Variants in CAPN2 observed in about 807,000 individuals in gnomAD.
The protein encoded by CAPN2 is calpain-2 catalytic subunit.
CAPN2 carries 92 observed loss-of-function variants against 102.3 expected under a neutral mutation model. The observed-to-expected ratio is 0.90, with a 90% CI of 0.76 to 1.07. The LOEUF (loss-of-function observed/expected upper bound fraction) is 1.07. CAPN2 is among the 50% of genes least tolerant of loss of function. The probability of loss-of-function intolerance (pLI) is 0.00; values close to 1 mark genes in which losing one functional copy is unlikely to be tolerated. For synonymous variants in CAPN2, 340 were observed against 355.4 expected, an observed-to-expected ratio of 0.96 and a Z score of 0.49; for missense variants, 800 against 909.4, an observed-to-expected ratio of 0.88 and a Z score of 1.55.
intron 2 of CAPN2, among the ~76,000 whole-genome samples, chr1:223,721,504 G>C (rs1304615128): frequency 1.3e-5 from 2 of 152,196 alleles, no homozygotes; most frequent in East Asian, 3.8e-4. Flanking sequence ...ATTTCCTGGG[G>C]TAGAGCCCAA....
upstream of CAPN2, among the ~76,000 whole-genome samples, chr1:223,711,869 T>C (rs1194721849): frequency 6.6e-6 from 1 of 152,226 alleles, no homozygotes; most frequent in African/African-American, 2.4e-5. Flanking sequence ...AGTGTTGGGA[T>C]TACAGGTGTG....
At chr1:223,747,498 G>A (rs1309808336) in intron 5 of CAPN2, among the ~76,000 whole-genome samples, 1 of 152,178 alleles carries the variant, frequency 6.6e-6, no homozygotes, top group African/African-American at 2.4e-5. Flanking sequence ...TTTTAGGGAT[G>A]TCGTAAATGA....
intron 9 of CAPN2, 52 bp downstream of exon 9, chr1:223,753,008 A>G: frequency 6.4e-7 from 1 of 1,574,340 alleles, no homozygotes. Context: ...ACCAAAGGCC[A>G]AAGCTCCCCT....
chr1:223,749,884 A>G lies in CAPN2; in HGVS notation c.813+762A>G, dbSNP rs529244256. Among the ~76,000 whole-genome samples, 3 of 152,170 alleles carry G rather than the reference A, an allele frequency of 2.0e-5. No homozygotes were observed. The East Asian group carries it at 5.8e-4, about 29-fold the overall frequency. On this transcript the variant is annotated intron_variant, in intron 6 of 20. Coordinates refer to ENST00000295006, the MANE Select transcript of CAPN2 (RefSeq NM_001748.5). ...AGTTAGCTGGGCATGGTGGCATGCC[A>G]CTGTCGTCCCAGCTACTCGGGAGGC... is the stretch of plus-strand genomic sequence containing the variant.
Position 223,755,782 on chromosome 1 carries a change from A to C in CAPN2, c.1305+133A>C. ...AGCTTGGCCAAGGAAAAACAAAACT[A>C]CCAGCCTGGCCAGGCTCAGGAGTAG... On this transcript the variant is annotated intron_variant, in intron 10 of 20. Transcript: ENST00000295006. This position sits in a 1 kb window ranked among gnomAD's most constrained non-coding sequence, Gnocchi z 4.1. The C allele has an allele frequency of 2.5e-5, 22 of 869,384 alleles. No homozygotes were observed. The highest frequency in any genetic ancestry group is 3.6e-4 in the Middle Eastern group (1 of 2,782). The allele number at this position is 869,384 out of a possible 1,614,324, so 53.9% of individuals were successfully genotyped here.
At position 223,719,803 on chromosome 1, in the gene CAPN2, TGC is replaced by T. The variant is rs1007404332; in HGVS notation, c.307+1974_307+1975del. On this transcript the variant is annotated intron_variant, in intron 2 of 20. Transcript: ENST00000295006. ...TAGTCTGTAATTTCTCAGGGGTGTG[TGC>T]GTGTGTGTGTGTGTGTGTGTGTGTG... Among the ~76,000 whole-genome samples the T allele has an allele frequency of 2.8e-4, 23 of 82,012 alleles. No individual in the cohort carries two copies. In the South Asian group the frequency reaches 1.0e-2, roughly 35 times the overall value. The allele number at this position is 82,012 out of a possible 152,430, so 53.8% of individuals were successfully genotyped here. A position where few individuals can be genotyped will look rare whatever the true frequency, so the allele number is the denominator to read the frequency against.
In CAPN2 at chr1:223,775,749, A is replaced by G. The variant is rs919795574; in HGVS notation, c.*892A>G. On this transcript the variant is annotated 3_prime_UTR_variant, in exon 21 of 21. Transcript: ENST00000295006. ...TTTGTTTCCTGGCTTTACCTTGGGAAAATGCTAGCAACATTATAGAAATTT... is the reference window on the plus strand; with the variant it reads ...TTTGTTTCCTGGCTTTACCTTGGGAGAATGCTAGCAACATTATAGAAATTT... The G allele has an allele frequency of 6.6e-6, 1 of 152,618 alleles. No homozygotes were observed. The highest frequency in any genetic ancestry group is 2.1e-4 in the South Asian group (1 of 4,826). 9.5% of individuals were successfully genotyped at this position (152,618 alleles called of 1,614,324 possible).
In CAPN2 at chr1:223,757,351, A is replaced by G. The variant is rs765268572; in HGVS notation, c.1306-18A>G. 1 of 1,614,160 alleles carries G rather than the reference A, an allele frequency of 6.2e-7. No homozygotes were observed. The highest frequency in any genetic ancestry group is 8.5e-7 in the Non-Finnish European group (1 of 1,180,014). Reference sequence around the variant, plus strand: ...ACTGCTTTTCCGGCATCTGAATTGCATCTCCTTTATTTTGCAGGTTCCAGA... The same window carrying G: ...ACTGCTTTTCCGGCATCTGAATTGCGTCTCCTTTATTTTGCAGGTTCCAGA... On this transcript the variant is annotated intron_variant, in intron 10 of 20. Coordinates refer to ENST00000295006, the MANE Select transcript of CAPN2 (RefSeq NM_001748.5).
rs369150450 is a variant in CAPN2 at position 223,762,208 on chromosome 1, T to C, written c.1589T>C (p.Ile530Thr). Residue 530 changes from isoleucine (I) to threonine (T), a missense_variant, in exon 14 of 21, where the codon ATT becomes ACT. By Grantham distance (89) the Ile-to-Thr change is moderately conservative (BLOSUM62 -1). Coordinates refer to ENST00000295006, the MANE Select transcript of CAPN2 (RefSeq NM_001748.5). Reference sequence around the variant, plus strand: ...CAGTTCGACATCAGCGAGGATGACATTGATGATGGATTCAGGAGACTGTTT... The same window carrying C: ...CAGTTCGACATCAGCGAGGATGACACTGATGATGGATTCAGGAGACTGTTT... ...LEEFDISEDD[I>T]DDGFRRLFAQ... 130 of 1,613,944 alleles carry C rather than the reference T, an allele frequency of 8.1e-5. No homozygotes were observed. The highest frequency in any genetic ancestry group is 1.0e-4 in the Non-Finnish European group (123 of 1,179,910).
chr1:223,742,065 G>A (rs1660632120), intron 2 of CAPN2, among the ~76,000 whole-genome samples: 1 of 152,184 alleles, frequency 6.6e-6, no homozygotes, highest in Non-Finnish European at 1.5e-5. Flanking sequence ...GGAACTCTCA[G>A]GATGCTAAGT....
At chr1:223,742,305 T>C (rs1483858277) in intron 2 of CAPN2, among the ~76,000 whole-genome samples, 1 of 151,678 alleles carries the variant, frequency 6.6e-6, no homozygotes, top group African/African-American at 2.4e-5. Flanking sequence ...GGCAGGAGAA[T>C]CACTTGAACC....
intron 1 of CAPN2, among the ~76,000 whole-genome samples, chr1:223,702,448 GGAAAGGAAAA>G (rs1435232946): frequency 6.6e-6 from 1 of 151,256 alleles, no homozygotes; most frequent in Non-Finnish European, 1.5e-5. Flanking sequence ...AAAAAGAAAA[GGAAAGGAAAA>G]GAAAGAAAAA....
chr1:223,739,864 A>T (rs1409654025), intron 2 of CAPN2, among the ~76,000 whole-genome samples: 1 of 152,208 alleles, frequency 6.6e-6, no homozygotes, highest in African/African-American at 2.4e-5. Context: ...TATTTGTAGC[A>T]TCTGAGTTAA....
intron 2 of CAPN2, among the ~76,000 whole-genome samples, chr1:223,728,544 A>G (rs1043316894): frequency 6.6e-6 from 1 of 152,240 alleles, no homozygotes; most frequent in Admixed American, 6.5e-5. Flanking sequence ...GAGAAGGGAC[A>G]TGGAGCCCAC....
intron 2 of CAPN2, among the ~76,000 whole-genome samples, chr1:223,718,415 C>T (rs1183675755): frequency 6.6e-6 from 1 of 152,200 alleles, no homozygotes; most frequent in Non-Finnish European, 1.5e-5. Flanking sequence ...TTGTCCAAAA[C>T]CTTGCTTTCT....
Position 223,771,851 on chromosome 1 carries a change from G to A in CAPN2, c.1946G>A (p.Arg649Gln), listed in dbSNP as rs779705757. Residue 649 changes from arginine to glutamine, a missense_variant, in exon 19 of 21, where the codon CGG (arginine) becomes CAG (glutamine). Physicochemically the swap from Arg to Gln is conservative, Grantham distance 43 (BLOSUM62 1). Transcript: ENST00000295006. ...PCQLHQVIVARFADDQLIIDF... is the reference protein window; with the variant it reads ...PCQLHQVIVAQFADDQLIIDF... ...CAACTCCACCAAGTCATCGTTGCTC[G>A]GTTTGCAGATGACCAGCTCATCATC... 25 of 1,613,994 alleles carry A rather than the reference G, an allele frequency of 1.5e-5. No homozygotes were observed. Among genetic ancestry groups the A allele is most frequent in the South Asian group, 1.4e-4 (13 of 91,080 alleles).
At position 223,759,578 on chromosome 1, in the gene CAPN2, C is replaced by A; in HGVS notation, c.1529+97C>A. ...GAGGGCTCTTTCATCCTCTGAATGT[C>A]AGTTACTTTTTCTGTAACACCTGCC... On this transcript the variant is annotated intron_variant, in intron 12 of 20. Coordinates refer to ENST00000295006, the MANE Select transcript of CAPN2 (RefSeq NM_001748.5). This position sits in a 1 kb window ranked among gnomAD's most constrained non-coding sequence, Gnocchi z 4.6. The A allele has an allele frequency of 1.0e-6, 1 of 979,056 alleles. No individual in the cohort carries two copies. Among genetic ancestry groups the A allele is most frequent in the Non-Finnish European group, 1.5e-6 (1 of 652,870 alleles). The allele number at this position is 979,056 out of a possible 1,614,324, so 60.6% of individuals were successfully genotyped here.
intron 1 of CAPN2, among the ~76,000 whole-genome samples, chr1:223,705,314 G>A (rs1256662048): frequency 6.6e-6 from 1 of 152,212 alleles, no homozygotes; most frequent in Non-Finnish European, 1.5e-5. Flanking sequence ...CCACTGAACT[G>A]TACAGGGGAA....
intron 7 of CAPN2, 115 bp downstream of exon 7, chr1:223,751,090 A>C (rs1660878117): frequency 1.0e-6 from 1 of 954,702 alleles, no homozygotes; most frequent in Non-Finnish European, 1.6e-6. Context: ...TAGCCAGGAG[A>C]GCCCAGGCCA....
Sources: gnomAD v4.1 joint callset for allele counts (sites outside exome capture counted in the v4.1 genomes callset) on GRCh38, gnomAD v4.1.1 for gene constraint, Gnocchi (gnomAD v3.1) non-coding constraint, MANE v1.5 for transcripts, NCBI Gene and HGNC (gene_info 2026-07-23, HGNC 2026-07-21) for gene names.